Variants in RLF observed in about 807,000 individuals in gnomAD.
The protein encoded by RLF is zinc finger protein Rlf.
RLF carries 7 observed loss-of-function variants against 162.9 expected under a neutral mutation model. That is an observed-to-expected ratio of 0.04 (90% CI 0.02 to 0.08). RLF has a LOEUF of 0.08. Ranked by LOEUF, RLF falls within the 10% of genes least tolerant of loss-of-function variation. The pLI is 1.00. For missense variants in RLF, 1,664 were observed against 2,244.7 expected, an observed-to-expected ratio of 0.74 and a Z score of 5.23; for synonymous variants, 782 against 791.5, an observed-to-expected ratio of 0.99 and a Z score of 0.20.
chr1:40,171,550 TATA>T (rs1642245548), intron 1 of RLF, among the ~76,000 whole-genome samples: 1 of 152,202 alleles, frequency 6.6e-6, no homozygotes, highest in African/African-American at 2.4e-5. Flanking sequence ...ATGTTTAAAA[TATA>T]TAAAGTATCC....
intron 5 of RLF, among the ~76,000 whole-genome samples, chr1:40,216,349 G>T (rs1223428344): frequency 2.6e-5 from 4 of 152,042 alleles, no homozygotes; most frequent in Admixed American, 2.0e-4. Flanking sequence ...TCAGCTGGGC[G>T]TGGTGGCACA....
At chr1:40,199,717 T>C (rs1449657743) in intron 4 of RLF, among the ~76,000 whole-genome samples, 3 of 152,146 alleles carry the variant, frequency 2.0e-5, no homozygotes, top group African/African-American at 4.8e-5. Flanking sequence ...TTGCTTCCTG[T>C]TGGATTTGCA....
At chr1:40,232,953 A>G (rs1343905661) in intron 7 of RLF, among the ~76,000 whole-genome samples, 4 of 151,904 alleles carry the variant, frequency 2.6e-5, no homozygotes, top group South Asian at 2.1e-4. Flanking sequence ...GCCTCAAGCA[A>G]TTCTCCCACC....
chr1:40,202,377 T>C, intron 4 of RLF, 35 bp from the exon 5 acceptor site: 1 of 1,366,442 alleles, frequency 7.3e-7, no homozygotes, highest in African/African-American at 1.5e-5. Context: ...TTATGTGGTA[T>C]GTTGTCAAAC....
chr1:40,237,734 A>G lies in RLF; in HGVS notation c.3032A>G (p.Glu1011Gly), dbSNP rs1381792149. Reference sequence around the variant, plus strand: ...CAGACAACTGAAAAGTTGGATGCAGAACCTAAACCCTGCTCAGATACAAAC... The same window carrying G: ...CAGACAACTGAAAAGTTGGATGCAGGACCTAAACCCTGCTCAGATACAAAC... ...HNQTTEKLDA[E>G]PKPCSDTNSD... Residue 1011 changes from glutamate to glycine, a missense_variant, in exon 8 of 8, where the codon GAA becomes GGA. Glu to Gly is a moderately conservative substitution (Grantham distance 98). This residue lies in a region of RLF where 295 missense variants were observed against 317.4 expected (regional missense o/e 0.93). Transcript: ENST00000372771. The surrounding 1 kb of genome is among the most constrained non-coding windows in gnomAD (Gnocchi z 4.4). 31 of 1,613,982 alleles carry G rather than the reference A, an allele frequency of 1.9e-5. 1 individual carries two copies. The highest frequency in any genetic ancestry group is 1.3e-4 in the Admixed American group (8 of 59,998).
At chr1:40,164,788 C>T (rs767550876) in intron 1 of RLF, among the ~76,000 whole-genome samples, 2 of 152,038 alleles carry the variant, frequency 1.3e-5, no homozygotes, top group Non-Finnish European at 2.9e-5. Flanking sequence ...TGTGATTACA[C>T]TTTGAGAATA....
At chr1:40,213,200 C>T (rs575436245) in intron 5 of RLF, among the ~76,000 whole-genome samples, 1 of 152,284 alleles carries the variant, frequency 6.6e-6, no homozygotes, top group African/African-American at 2.4e-5. Context: ...ACAGTTCTTT[C>T]AAATAGCTTT....
intron 3 of RLF, among the ~76,000 whole-genome samples, chr1:40,193,777 A>G (rs1363457896): frequency 6.6e-6 from 1 of 152,142 alleles, no homozygotes; most frequent in Non-Finnish European, 1.5e-5. Flanking sequence ...GGGTGGGTGT[A>G]TATGTGTAGT....
At position 40,239,732 on chromosome 1, in the gene RLF, G is replaced by C. The variant is rs1001395565; in HGVS notation, c.5030G>C (p.Ser1677Thr). 1.5e-5 allele frequency: 24 copies of C among 1,614,036 alleles called. No homozygotes were observed. Among genetic ancestry groups the C allele is most frequent in the South Asian group, 2.2e-5 (2 of 91,088 alleles). Residue 1677 changes from serine (S) to threonine (T), a missense_variant, in exon 8 of 8, where the codon AGT becomes ACT. Physicochemically the swap from Ser to Thr is moderately conservative, Grantham distance 58. Around this residue, in one of 15 missense-constraint regions of RLF, gnomAD observed 327 missense variants for 342.7 expected, o/e 0.95. Transcript: ENST00000372771. ...LYRGTLKCNH[S>T]SKTTSLEQCN... ...AGGGGAACTTTGAAATGTAATCATA[G>C]TTCCAAAACCACTTCCCTAGAACAG... is the stretch of plus-strand genomic sequence containing the variant.
chr1:40,181,093 T>A (rs1642399710), intron 1 of RLF, among the ~76,000 whole-genome samples: 1 of 152,246 alleles, frequency 6.6e-6, no homozygotes, highest in Admixed American at 6.5e-5. Flanking sequence ...AGCTTCAGTC[T>A]ATTGTATGTG....
intron 1 of RLF, among the ~76,000 whole-genome samples, chr1:40,182,762 T>C (rs61780441): frequency 1.2e-4 from 18 of 148,182 alleles, no homozygotes; most frequent in Non-Finnish European, 2.5e-4. Flanking sequence ...GGTAGATAGA[T>C]AGATAGATAG....
intron 6 of RLF, among the ~76,000 whole-genome samples, chr1:40,231,184 CA>C (rs1294747489): frequency 3.3e-5 from 5 of 152,152 alleles, no homozygotes; most frequent in Middle Eastern, 3.2e-3. Flanking sequence ...GGGCTTAATT[CA>C]ATCAGTATAT....
intron 7 of RLF, among the ~76,000 whole-genome samples, chr1:40,232,296 CATTTT>C (rs570716842): frequency 5.9e-4 from 89 of 150,720 alleles, no homozygotes; most frequent in Non-Finnish European, 1.0e-3. Context: ...GCCATTAGAA[CATTTT>C]GTTTTGTTTA....
chr1:40,234,675 G>A (rs1643195557), intron 7 of RLF, among the ~76,000 whole-genome samples: 1 of 152,254 alleles, frequency 6.6e-6, no homozygotes, highest in South Asian at 2.1e-4. Context: ...CACTTGTTGT[G>A]AAGCTGGGGT....
At chr1:40,173,043 T>TA (rs1202850574) in intron 1 of RLF, among the ~76,000 whole-genome samples, 1 of 151,906 alleles carries the variant, frequency 6.6e-6, no homozygotes, top group Non-Finnish European at 1.5e-5. Context: ...ATCAGATTGT[T>TA]ACACTAATTT....
intron 5 of RLF, among the ~76,000 whole-genome samples, chr1:40,205,033 A>G (rs1447143649): frequency 3.9e-5 from 6 of 152,302 alleles, no homozygotes; most frequent in Admixed American, 1.3e-4. Context: ...ATTTCAATTG[A>G]TGTTGTCTCC....
chr1:40,170,061 T>G (rs1236303648), intron 1 of RLF, among the ~76,000 whole-genome samples: 7 of 152,150 alleles, frequency 4.6e-5, no homozygotes, highest in Non-Finnish European at 1.0e-4. Context: ...TGTGCAGCAT[T>G]TGCCAAACTT....
intron 4 of RLF, among the ~76,000 whole-genome samples, chr1:40,201,363 T>A (rs1642717226): frequency 6.6e-6 from 1 of 151,768 alleles, no homozygotes; most frequent in Non-Finnish European, 1.5e-5. Context: ...CGGTGGCTCA[T>A]GCCTGTAATC....
At chr1:40,172,818 G>A (rs1221913248) in intron 1 of RLF, among the ~76,000 whole-genome samples, 1 of 151,990 alleles carries the variant, frequency 6.6e-6, no homozygotes, top group Non-Finnish European at 1.5e-5. Flanking sequence ...ATGGATACTT[G>A]CCTGTACTCT....
Sources: gnomAD v4.1 joint callset for allele counts (sites outside exome capture counted in the v4.1 genomes callset) on GRCh38, gnomAD v4.1.1 for gene constraint, gnomAD v4.1.1 regional missense constraint, Gnocchi (gnomAD v3.1) non-coding constraint, MANE v1.5 for transcripts, NCBI Gene and HGNC (gene_info 2026-07-23, HGNC 2026-07-21) for gene names.